GPC6: variants seen among roughly 807,000 people sequenced by gnomAD.
GPC6 encodes the protein glypican-6.
In GPC6, 14 loss-of-function variants were observed where a neutral mutation model predicts 55.2. That is an observed-to-expected ratio of 0.25 (90% confidence interval 0.17 to 0.40). GPC6 has a LOEUF of 0.40. GPC6 is among the 10% of genes least tolerant of loss of function. GPC6 has a pLI of 1.00. For synonymous variants in GPC6, 278 were observed against 259.6 expected (o/e 1.07, Z -0.68); for missense variants, 641 against 708.5 (o/e 0.90, Z 1.08).
chr13:93,996,378 A>G (rs1328441761), intron 3 of GPC6, among the ~76,000 whole-genome samples: 1 of 152,162 alleles, frequency 6.6e-6, no homozygotes, highest in Non-Finnish European at 1.5e-5. Flanking sequence ...TCATTCCTTT[A>G]TGTCACACAC....
intron 6 of GPC6, among the ~76,000 whole-genome samples, chr13:94,363,088 T>A (rs1879130617): frequency 6.6e-6 from 1 of 152,064 alleles, no homozygotes; most frequent in African/African-American, 2.4e-5. Context: ...GCCCTTCCCG[T>A]GTCCATGTGT....
chr13:93,292,289 G>A (rs974924936), intron 1 of GPC6, among the ~76,000 whole-genome samples: 1 of 152,154 alleles, frequency 6.6e-6, no homozygotes, highest in Admixed American at 6.6e-5. Context: ...TCTACCTCAT[G>A]TGAATACTTT....
chr13:94,196,719 C>T (rs1174466105), intron 4 of GPC6, among the ~76,000 whole-genome samples: 1 of 152,164 alleles, frequency 6.6e-6, no homozygotes, highest in Non-Finnish European at 1.5e-5. Context: ...TGGCATAACC[C>T]CATAAGGCGT....
At chr13:94,056,613 G>T (rs750767982) in intron 4 of GPC6, among the ~76,000 whole-genome samples, 2 of 152,270 alleles carry the variant, frequency 1.3e-5, no homozygotes, top group East Asian at 1.9e-4. Context: ...ATGAGCGTCA[G>T]ATTTTAACAG....
intron 2 of GPC6, among the ~76,000 whole-genome samples, chr13:93,778,774 A>G (rs1415518623): frequency 6.6e-6 from 1 of 152,158 alleles, no homozygotes; most frequent in Non-Finnish European, 1.5e-5. Context: ...ATTTGGCAGT[A>G]GTTGAGCCCA....
rs866178349 is a variant in GPC6 at position 93,565,946 on chromosome 13, A to G, written c.319+20525A>G. On this transcript the variant is annotated intron_variant, in intron 2 of 8. Transcript: ENST00000377047. Reference sequence around the variant, plus strand: ...CAAAACAAACAAACAAAAAAAAAAAAGAAAAAAAAAACACATCTGGTCACT... The same window carrying G: ...CAAAACAAACAAACAAAAAAAAAAAGGAAAAAAAAAACACATCTGGTCACT... Among the ~76,000 whole-genome samples the G allele has an allele frequency of 1.3e-4, 19 of 144,240 alleles. No individual in the cohort carries two copies. The South Asian group carries it at 2.0e-3, about 15-fold the overall frequency. 94.6% of individuals were successfully genotyped at this position (144,240 alleles called of 152,430 possible).
chr13:94,230,957 G>T (rs1463934977), intron 4 of GPC6, among the ~76,000 whole-genome samples: 1 of 152,070 alleles, frequency 6.6e-6, no homozygotes, highest in Non-Finnish European at 1.5e-5. Context: ...GTCAGGCTTG[G>T]GGGAAGGGAG....
intron 3 of GPC6, among the ~76,000 whole-genome samples, chr13:93,949,609 G>C (rs1197237247): frequency 6.6e-6 from 1 of 152,184 alleles, no homozygotes. Context: ...CAGCCTGGCA[G>C]CTTGGTATAT....
At chr13:93,682,598 C>T (rs1283149237) in intron 2 of GPC6, among the ~76,000 whole-genome samples, 1 of 152,088 alleles carries the variant, frequency 6.6e-6, no homozygotes, top group Non-Finnish European at 1.5e-5. Context: ...AAGGCACATT[C>T]AGTTTCTGGT....
At chr13:93,916,067 C>T (rs962652681) in intron 3 of GPC6, among the ~76,000 whole-genome samples, 2 of 151,878 alleles carry the variant, frequency 1.3e-5, no homozygotes, top group Non-Finnish European at 1.5e-5. Flanking sequence ...CCCAGCATCA[C>T]GGGAGTAGGC....
chr13:93,268,367 T>C (rs1056096538), intron 1 of GPC6, among the ~76,000 whole-genome samples: 20 of 152,194 alleles, frequency 1.3e-4, no homozygotes, highest in African/African-American at 4.8e-4. Context: ...GTAGAGATTA[T>C]AGAAACAAGT....
At chr13:94,119,082 T>C (rs1202815636) in intron 4 of GPC6, among the ~76,000 whole-genome samples, 1 of 152,080 alleles carries the variant, frequency 6.6e-6, no homozygotes, top group Admixed American at 6.6e-5. Context: ...AATATATGTG[T>C]GTGCATATAT....
chr13:94,319,298 T>G (rs1329478330), intron 6 of GPC6, among the ~76,000 whole-genome samples: 2 of 152,198 alleles, frequency 1.3e-5, no homozygotes, highest in Non-Finnish European at 2.9e-5. Flanking sequence ...CCAAGTTTAA[T>G]TAATACATCA....
chr13:93,227,726 T>C lies in GPC6; in HGVS notation c.160+110T>C. 1 of 831,192 alleles carries C rather than the reference T, an allele frequency of 1.2e-6. No homozygotes were observed. The highest frequency in any genetic ancestry group is 1.7e-5 in the South Asian group (1 of 60,452). 51.5% of individuals were successfully genotyped at this position (831,192 alleles called of 1,614,324 possible). A position where few individuals can be genotyped will look rare whatever the true frequency, so the allele number is the denominator to read the frequency against. On this transcript the variant is annotated intron_variant, in intron 1 of 8. Coordinates refer to ENST00000377047, the MANE Select transcript of GPC6 (RefSeq NM_005708.5). This position sits in a 1 kb window ranked among gnomAD's most constrained non-coding sequence, Gnocchi z 4.3. ...CCTGTTGCTGAGTTGGTGCTCACTT[T>C]CTGCCACCGCTATGGGACTCCGCGT...
intron 6 of GPC6, among the ~76,000 whole-genome samples, chr13:94,334,662 C>T (rs994644678): frequency 2.0e-5 from 3 of 152,156 alleles, no homozygotes; most frequent in African/African-American, 7.2e-5. Context: ...AACAAGCCCT[C>T]CAGGTGGTGC....
chr13:93,376,029 A>T (rs1874879563), intron 1 of GPC6, among the ~76,000 whole-genome samples: 1 of 151,078 alleles, frequency 6.6e-6, no homozygotes, highest in African/African-American at 2.4e-5. Context: ...TTATTTGTGC[A>T]ATAGATCATG....
At chr13:94,015,491 T>C (rs1312634697) in intron 3 of GPC6, among the ~76,000 whole-genome samples, 1 of 152,204 alleles carries the variant, frequency 6.6e-6, no homozygotes, top group Non-Finnish European at 1.5e-5. Context: ...TTCCTGACAG[T>C]GTCCTTTGAT....
chr13:93,372,370 T>A (rs910557435), intron 1 of GPC6, among the ~76,000 whole-genome samples: 1 of 152,274 alleles, frequency 6.6e-6, no homozygotes, highest in East Asian at 1.9e-4. Context: ...GCTCTATTAA[T>A]ATTTCAGCAT....
At chr13:93,887,037 T>C (rs1008075888) in intron 3 of GPC6, among the ~76,000 whole-genome samples, 5 of 152,068 alleles carry the variant, frequency 3.3e-5, no homozygotes, top group African/African-American at 1.2e-4. Context: ...AGTGGAAGAG[T>C]CCAAATGTTT....
Sources: gnomAD v4.1 joint callset for allele counts (sites outside exome capture counted in the v4.1 genomes callset) on GRCh38, gnomAD v4.1.1 for gene constraint, Gnocchi (gnomAD v3.1) non-coding constraint, MANE v1.5 for transcripts, NCBI Gene and HGNC (gene_info 2026-07-23, HGNC 2026-07-21) for gene names.